The following LRP5 variants were observed in gnomAD, a reference collection of about 807,000 sequenced individuals.
LRP5 encodes low-density lipoprotein receptor-related protein 5.
LRP5 carries 62 observed loss-of-function variants against 154.1 expected under a neutral mutation model. The ratio of observed to expected loss-of-function variants is 0.40; its 90% confidence interval spans 0.33 to 0.50. The LOEUF (loss-of-function observed/expected upper bound fraction) is 0.50. Among genes scored for constraint, LRP5 ranks in the 20% least tolerant of loss-of-function variants. LRP5 has a pLI of 0.55. For synonymous variants in LRP5, 966 were observed against 1,011.5 expected (o/e 0.96, Z 0.85); for missense variants, 1,915 against 2,336.7 (o/e 0.82, Z 3.72).
chr11:68,388,207 T>C lies in LRP5; in HGVS notation c.1412+1495T>C, dbSNP rs376594953. Among the ~76,000 whole-genome samples, 7 of 151,602 alleles carry C rather than the reference T, an allele frequency of 4.6e-5. No individual in the cohort carries two copies. In the East Asian group the frequency reaches 1.2e-3, roughly 25 times the overall value. ...GGGTGGATGAGGGTAAGAAGTGGGG[T>C]CCCCAGGGGCTTTAGCAAGAGGAGG... On this transcript the variant is annotated intron_variant, in intron 6 of 22. Transcript: ENST00000294304.
chr11:68,421,778 G>T (rs1206713910), intron 13 of LRP5, among the ~76,000 whole-genome samples: 4 of 139,984 alleles, frequency 2.9e-5, no homozygotes, highest in Admixed American at 2.8e-4. Flanking sequence ...CTTTCCATCT[G>T]GGGGTGTGTG....
Position 68,365,550 on chromosome 11 carries a change from ACT to A in LRP5, c.884-18_884-17del, listed in dbSNP as rs746610071. On this transcript the variant is annotated intron_variant, in intron 4 of 22. Transcript: ENST00000294304. The stretch of plus-strand genomic sequence containing the variant: ...CGGTCCTCTTCTGGAACCTTCTCTC[ACT>A]CTGTCCTGGTTTTCTCAGTCCACAC... The A allele has an allele frequency of 1.2e-5, 20 of 1,613,156 alleles. No homozygotes were observed. Among genetic ancestry groups the A allele is most frequent in the African/African-American group, 2.7e-5 (2 of 74,690 alleles).
rs2153133474 is a variant in LRP5, at chr11:68,353,626, C to T, written c.489-4024C>T. The stretch of plus-strand genomic sequence containing the variant: ...TTGTCCTCTGTCCTGGCCACAGGCA[C>T]ACGGTTGCGAGGAGCATCTTGGCCT... On this transcript the variant is annotated intron_variant, in intron 2 of 22. Coordinates refer to ENST00000294304, the MANE Select transcript of LRP5 (RefSeq NM_002335.4). The surrounding 1 kb of genome is among the most constrained non-coding windows in gnomAD (Gnocchi z 4.5). Among the ~76,000 whole-genome samples, 1 of 152,324 alleles carries T rather than the reference C, an allele frequency of 6.6e-6. No individual in the cohort carries two copies. The highest frequency in any genetic ancestry group is 2.4e-5 in the African/African-American group (1 of 41,578).
chr11:68,432,799 G>A (rs1237455478), intron 17 of LRP5, among the ~76,000 whole-genome samples: 1 of 152,176 alleles, frequency 6.6e-6, no homozygotes, highest in African/African-American at 2.4e-5. Context: ...GTGCCCCCAC[G>A]CTTTGTGTCT....
rs180941579 is a variant in LRP5 at position 68,406,718 on chromosome 11, G to A, written c.1996G>A (p.Asp666Asn). Residue 666 changes from aspartate (D) to asparagine (N), a missense_variant, in exon 9 of 23, where the codon GAC becomes AAC. By Grantham distance (23) the Asp-to-Asn change is conservative (BLOSUM62 1). Transcript: ENST00000294304. ...HRISLETNNN[D>N]VAIPLTGVKE... ...GATCTCCCTCGAGACCAATAACAAC[G>A]ACGTGGCCATCCCGCTCACGGGCGT... The A allele has an allele frequency of 7.2e-5, 116 of 1,614,110 alleles. No homozygotes were observed. In the East Asian group the frequency reaches 2.5e-3, roughly 34 times the overall value.
chr11:68,395,781 C>G (rs1350404375), intron 7 of LRP5, among the ~76,000 whole-genome samples: 3 of 152,112 alleles, frequency 2.0e-5, no homozygotes, highest in Non-Finnish European at 4.4e-5. Context: ...CCCCGGGACA[C>G]CTCGGATGTG....
chr11:68,341,927 G>C (rs116342505), intron 1 of LRP5, among the ~76,000 whole-genome samples: 131 of 152,306 alleles, frequency 8.6e-4, no homozygotes, highest in African/African-American at 2.9e-3. Context: ...GCCGTGTCCT[G>C]GGTGTCTGGG....
At chr11:68,383,429 C>A (rs1477618557) in intron 5 of LRP5, among the ~76,000 whole-genome samples, 1 of 152,182 alleles carries the variant, frequency 6.6e-6, no homozygotes, top group African/African-American at 2.4e-5. Flanking sequence ...CTGTGATCTC[C>A]CCACAGTGGC....
In LRP5 at chr11:68,413,724, C is replaced by T; in HGVS notation, c.2539C>T (p.His847Tyr). ...GGTCGTGATTGCCGACGATCTCCCG[C>T]ACCCGTTCGGTCTGACGCAGTACAG... Reference protein sequence around the residue: ...ERVVIADDLPHPFGLTQYSDY... With the variant: ...ERVVIADDLPYPFGLTQYSDY... Residue 847 changes from histidine to tyrosine, a missense_variant, in exon 12 of 23, where the codon CAC becomes TAC. Physicochemically the swap from His to Tyr is moderately conservative, Grantham distance 83. Coordinates refer to ENST00000294304, the MANE Select transcript of LRP5 (RefSeq NM_002335.4). The surrounding 1 kb of genome is among the most constrained non-coding windows in gnomAD (Gnocchi z 5.1). 6.2e-7 allele frequency: 1 copy of T among 1,613,778 alleles called. No individual in the cohort carries two copies. Among genetic ancestry groups the T allele is most frequent in the Non-Finnish European group, 8.5e-7 (1 of 1,179,994 alleles).
chr11:68,437,348 G>A (rs574476937), intron 19 of LRP5, among the ~76,000 whole-genome samples: 1 of 152,360 alleles, frequency 6.6e-6, no homozygotes, highest in African/African-American at 2.4e-5. Flanking sequence ...GCAGCTTACT[G>A]TCTGGCTGAG....
intron 7 of LRP5, among the ~76,000 whole-genome samples, chr11:68,397,972 T>TGTGTG (rs2098650381): frequency 3.2e-4 from 46 of 142,192 alleles, no homozygotes; most frequent in African/African-American, 1.0e-3. Context: ...CTGTGTGTGT[T>TGTGTG]TGTGTGTGTG....
At chr11:68,436,836 G>C (rs1411223904) in intron 18 of LRP5, 53 bp from the exon 19 acceptor site, 2 of 1,354,018 alleles carry the variant, frequency 1.5e-6, no homozygotes, top group Non-Finnish European at 2.1e-6. Flanking sequence ...GCCCTGCATG[G>C]TGGGCTGGGG....
At chr11:68,341,159 C>G (rs2098608903) in intron 1 of LRP5, among the ~76,000 whole-genome samples, 1 of 148,546 alleles carries the variant, frequency 6.7e-6, no homozygotes, top group African/African-American at 2.5e-5. Flanking sequence ...CAGACTCCTG[C>G]AGGGGTGATC....
At position 68,389,908 on chromosome 11, in the gene LRP5, G is replaced by T; in HGVS notation, c.1440G>T (p.Glu480Asp). ...MGLMYWTDWG[E>D]NPKIECANLD... ...TCATGTACTGGACAGACTGGGGAGAGAACCCTAAAATCGAGTGTGCCAACT... is the reference window on the plus strand; with the variant it reads ...TCATGTACTGGACAGACTGGGGAGATAACCCTAAAATCGAGTGTGCCAACT... Residue 480 changes from glutamate (E) to aspartate (D), a missense_variant, in exon 7 of 23, where the codon GAG becomes GAT. Transcript: ENST00000294304. The T allele has an allele frequency of 3.1e-6, 5 of 1,614,266 alleles. No individual in the cohort carries two copies. The highest frequency in any genetic ancestry group is 4.2e-6 in the Non-Finnish European group (5 of 1,180,046).
chr11:68,440,230 G>T (rs1476908778), intron 21 of LRP5, among the ~76,000 whole-genome samples: 1 of 152,182 alleles, frequency 6.6e-6, no homozygotes, highest in Non-Finnish European at 1.5e-5. Context: ...ATCGATAGCC[G>T]CCTGCACCAG....
intron 13 of LRP5, among the ~76,000 whole-genome samples, chr11:68,417,661 G>A (rs1055791897): frequency 4.1e-4 from 63 of 151,956 alleles, no homozygotes; most frequent in African/African-American, 1.0e-3. Flanking sequence ...TAGGCTGGGC[G>A]CGGTGGCTCA....
intron 1 of LRP5, among the ~76,000 whole-genome samples, chr11:68,341,059 C>CTTTTTTTTTTT (rs576462333): frequency 0.012 from 1,042 of 83,368 alleles, 108 homozygotes; most frequent in African/African-American, 0.043. Flanking sequence ...GGAGATTGTT[C>CTTTTTTTTTTT]TTTTTTTTTT....
At chr11:68,379,555 CTG>C (rs2098639178) in intron 5 of LRP5, among the ~76,000 whole-genome samples, 1 of 152,228 alleles carries the variant, frequency 6.6e-6, no homozygotes, top group South Asian at 2.1e-4. Context: ...TTGCAGATGA[CTG>C]AGAAGTTACC....
Position 68,329,736 on chromosome 11 carries a change from G to C in LRP5, c.91+16931G>C, listed in dbSNP as rs537382028. On this transcript the variant is annotated intron_variant, in intron 1 of 22. Transcript: ENST00000294304. ...TCAACTGTCCCAAGGAGAGGGTGAT[G>C]ACTGCTGGCCTCCCACCGGCCATCA... is the stretch of plus-strand genomic sequence containing the variant. 4.6e-5 allele frequency among the ~76,000 whole-genome samples: 7 copies of C among 152,236 alleles called. No homozygotes were observed. In the East Asian group the frequency reaches 7.7e-4, roughly 17 times the overall value.
Sources: allele counts gnomAD v4.1 joint callset (sites outside exome capture counted in the v4.1 genomes callset), GRCh38; gene constraint gnomAD v4.1.1; non-coding constraint Gnocchi (gnomAD v3.1); transcripts MANE v1.5; gene names NCBI Gene and HGNC (gene_info 2026-07-23, HGNC 2026-07-21).